FHIT: variants seen among roughly 807,000 people sequenced by gnomAD.
The protein encoded by FHIT is bis(5'-adenosyl)-triphosphatase.
Under a neutral mutation model 17.9 loss-of-function variants are expected in FHIT, and 19 were observed. The ratio of observed to expected loss-of-function variants is 1.06; its 90% confidence interval spans 0.74 to 1.56. The LOEUF is 1.56. Ranked by LOEUF, FHIT falls within the 40% of genes most tolerant of loss-of-function variation. FHIT has a pLI of 0.00. For missense variants in FHIT, 248 were observed against 189.2 expected, an observed-to-expected ratio of 1.31 and a Z score of -1.82; for synonymous variants, 81 against 69.7, an observed-to-expected ratio of 1.16 and a Z score of -0.81.
intron 3 of FHIT, among the ~76,000 whole-genome samples, chr3:60,955,633 T>TATAC (rs1272864632): frequency 3.9e-3 from 155 of 39,456 alleles, no homozygotes; most frequent in African/African-American, 0.012. Flanking sequence ...TATATATATA[T>TATAC]ACACACACAC....
chr3:60,806,557 A>G (rs1701396427), intron 4 of FHIT, among the ~76,000 whole-genome samples: 1 of 152,238 alleles, frequency 6.6e-6, no homozygotes, highest in South Asian at 2.1e-4. Context: ...CCTATTAGGC[A>G]GATTCCTCAC....
chr3:60,486,190 T>G (rs1160422859), intron 5 of FHIT, among the ~76,000 whole-genome samples: 1 of 152,024 alleles, frequency 6.6e-6, no homozygotes, highest in Non-Finnish European at 1.5e-5. Flanking sequence ...ACACAACACT[T>G]AAAATGAGAG....
intron 7 of FHIT, among the ~76,000 whole-genome samples, chr3:59,973,042 G>C (rs1216086475): frequency 6.6e-6 from 1 of 152,050 alleles, no homozygotes; most frequent in Non-Finnish European, 1.5e-5. Flanking sequence ...TAGACAGGGT[G>C]TGTCTCCCTC....
At chr3:60,858,054 C>T (rs1252352687) in intron 3 of FHIT, among the ~76,000 whole-genome samples, 3 of 152,206 alleles carry the variant, frequency 2.0e-5, no homozygotes, top group Non-Finnish European at 4.4e-5. Context: ...GAGCACATGA[C>T]TTCCTTATGA....
intron 3 of FHIT, among the ~76,000 whole-genome samples, chr3:60,839,096 G>A (rs949550339): frequency 6.6e-6 from 1 of 152,090 alleles, no homozygotes; most frequent in Non-Finnish European, 1.5e-5. Context: ...GAAGGATGCT[G>A]GGCTAGAGGG....
intron 5 of FHIT, among the ~76,000 whole-genome samples, chr3:60,045,948 A>G (rs191746042): frequency 6.6e-6 from 1 of 152,294 alleles, no homozygotes; most frequent in East Asian, 1.9e-4. Flanking sequence ...TAGGGTGGAG[A>G]TTCTGTACAT....
At chr3:60,600,557 A>C (rs2038411447) in intron 4 of FHIT, among the ~76,000 whole-genome samples, 1 of 152,174 alleles carries the variant, frequency 6.6e-6, no homozygotes, top group Non-Finnish European at 1.5e-5. Flanking sequence ...TAAATTTTGA[A>C]AGCCTAAGAA....
chr3:60,724,702 G>A (rs1166364840), intron 4 of FHIT, among the ~76,000 whole-genome samples: 1 of 140,930 alleles, frequency 7.1e-6, no homozygotes, highest in Non-Finnish European at 1.5e-5. Flanking sequence ...AGGCTGGAGT[G>A]CAGTGATGCA....
At chr3:60,554,536 G>C (rs1398930830) in intron 4 of FHIT, among the ~76,000 whole-genome samples, 1 of 152,186 alleles carries the variant, frequency 6.6e-6, no homozygotes, top group Non-Finnish European at 1.5e-5. Context: ...TCAAAAGCTT[G>C]TATGGTAAAT....
At chr3:60,962,142 C>G (rs1428700577) in intron 3 of FHIT, among the ~76,000 whole-genome samples, 3 of 152,194 alleles carry the variant, frequency 2.0e-5, no homozygotes, top group African/African-American at 4.8e-5. Flanking sequence ...AGAGGTCCTT[C>G]CCATCTCTTG....
chr3:59,934,216 C>T (rs1183239276), intron 7 of FHIT, among the ~76,000 whole-genome samples: 1 of 152,102 alleles, frequency 6.6e-6, no homozygotes, highest in Non-Finnish European at 1.5e-5. Flanking sequence ...TAGATATAAT[C>T]CAAATTATTA....
At chr3:60,660,539 T>G (rs1336509820) in intron 4 of FHIT, among the ~76,000 whole-genome samples, 8 of 152,062 alleles carry the variant, frequency 5.3e-5, no homozygotes, top group Non-Finnish European at 1.0e-4. Flanking sequence ...TCAGACAGAT[T>G]ATGCCATGCA....
In FHIT at chr3:60,046,510, G is replaced by A. The variant is rs1408863510; in HGVS notation, c.104-32358C>T. ...TCTAAAGTATATATGACTGCCTCCA[G>A]GCAATCCCATTAGTTCTCCACTTTC... On this transcript the variant is annotated intron_variant, in intron 5 of 9. Transcript: ENST00000492590. Among the ~76,000 whole-genome samples, 3 of 152,160 alleles carry A rather than the reference G, an allele frequency of 2.0e-5. No individual in the cohort carries two copies. In the East Asian group the frequency reaches 5.8e-4, roughly 29 times the overall value.
chr3:59,966,454 T>C (rs1707930542), intron 7 of FHIT, among the ~76,000 whole-genome samples: 2 of 152,286 alleles, frequency 1.3e-5, no homozygotes, highest in Middle Eastern at 3.4e-3. Context: ...AGAAGTATAC[T>C]AGTATATTTC....
chr3:60,364,348 C>T (rs1363543634), intron 5 of FHIT, among the ~76,000 whole-genome samples: 3 of 152,148 alleles, frequency 2.0e-5, no homozygotes, highest in Non-Finnish European at 4.4e-5. Context: ...ATTCAAACCT[C>T]CTTTGACCCC....
chr3:60,744,271 A>AAAAAAAAAAAAAAAAAAAAAAAAAAAAAC (rs2042309303), intron 4 of FHIT, among the ~76,000 whole-genome samples: 11 of 52,134 alleles, frequency 2.1e-4, no homozygotes, highest in East Asian at 1.0e-3. Flanking sequence ...AACAAAACAA[A>AAAAAAAAAAAAAAAAAAAAAAAAAAAAAC]AAAAAAAAAA....
At chr3:61,083,074 T>G (rs2035192230) in intron 2 of FHIT, among the ~76,000 whole-genome samples, 1 of 152,222 alleles carries the variant, frequency 6.6e-6, no homozygotes, top group East Asian at 1.9e-4. Context: ...GCCTTTTCTC[T>G]CAGCTAGTGA....
intron 8 of FHIT, among the ~76,000 whole-genome samples, chr3:59,832,001 G>C (rs1268543079): frequency 6.6e-6 from 1 of 151,974 alleles, no homozygotes; most frequent in Non-Finnish European, 1.5e-5. Flanking sequence ...TAAGGAGCTG[G>C]GTAGTTAACA....
intron 4 of FHIT, among the ~76,000 whole-genome samples, chr3:60,599,796 A>G (rs2107711275): frequency 6.6e-6 from 1 of 152,198 alleles, no homozygotes; most frequent in Middle Eastern, 3.4e-3. Context: ...TATAATAATG[A>G]ACAGCTATCG....
Sources: gnomAD v4.1 joint callset for allele counts (sites outside exome capture counted in the v4.1 genomes callset) on GRCh38, gnomAD v4.1.1 for gene constraint, MANE v1.5 for transcripts, NCBI Gene and HGNC (gene_info 2026-07-23, HGNC 2026-07-21) for gene names.